The following FGD3 variants were observed in gnomAD, a reference collection of about 807,000 sequenced individuals.
The protein encoded by FGD3 is FYVE, RhoGEF and PH domain-containing protein 3.
Under a neutral mutation model 71.8 loss-of-function variants are expected in FGD3, and 45 were observed. That is an observed-to-expected ratio of 0.63 (90% CI 0.49 to 0.80). The LOEUF (loss-of-function observed/expected upper bound fraction) is 0.80, where lower values mean the gene tolerates loss of function less well. Ranked by LOEUF, FGD3 falls within the 30% of genes least tolerant of loss-of-function variation. The pLI is 0.00. For synonymous variants in FGD3, 378 were observed against 392.8 expected (o/e 0.96, Z 0.44); for missense variants, 844 against 951.5 (o/e 0.89, Z 1.49).
chr9:92,996,967 T>C (rs1860671744), intron 3 of FGD3, among the ~76,000 whole-genome samples: 2 of 152,178 alleles, frequency 1.3e-5, no homozygotes. Context: ...ATCTGGGGTG[T>C]AGAGTTCTGT....
rs1862390748 is a variant in FGD3 at position 93,032,454 on chromosome 9, G to C, written c.1681-315G>C. 3.4e-5 allele frequency: 10 copies of C among 292,658 alleles called. No homozygotes were observed. In the South Asian group the frequency reaches 5.0e-4, roughly 15 times the overall value. 18.1% of individuals were successfully genotyped at this position (292,658 alleles called of 1,614,324 possible). Reference sequence around the variant, plus strand: ...TTATGAATTTGATTTGCGTTTCCCTGATGGCCAGTGATGGGGCATCTTCCC... The same window carrying C: ...TTATGAATTTGATTTGCGTTTCCCTCATGGCCAGTGATGGGGCATCTTCCC... On this transcript the variant is annotated intron_variant, in intron 15 of 17. Transcript: ENST00000375482.
intron 3 of FGD3, among the ~76,000 whole-genome samples, chr9:92,999,589 CT>C (rs886295047): frequency 0.052 from 6,861 of 131,144 alleles, 190 homozygotes; most frequent in East Asian, 0.13. Context: ...ATCTTGGAAC[CT>C]TTTTTTTTTT....
intron 1 of FGD3, among the ~76,000 whole-genome samples, chr9:92,951,254 T>G (rs188593704): frequency 2.2e-4 from 33 of 152,356 alleles, no homozygotes; most frequent in Admixed American, 4.6e-4. Flanking sequence ...ATCCAGTAAT[T>G]CTAAGTATTC....
chr9:92,993,181 A>T (rs1305866435), intron 3 of FGD3, among the ~76,000 whole-genome samples: 1 of 152,062 alleles, frequency 6.6e-6, no homozygotes, highest in African/African-American at 2.4e-5. Context: ...GTTGCCCAGG[A>T]TAGCCTCAAA....
Position 93,020,302 on chromosome 9 carries a change from T to C in FGD3, c.1387-15T>C. ...TGCCCCTTTATAGTCCTCACTGTTGTGTTGCTGTGTCCAGATCATCCAGGC... is the reference window on the plus strand; with the variant it reads ...TGCCCCTTTATAGTCCTCACTGTTGCGTTGCTGTGTCCAGATCATCCAGGC... On this transcript the variant is annotated splice_polypyrimidine_tract_variant and intron_variant, in intron 12 of 17. Coordinates refer to ENST00000375482, the MANE Select transcript of FGD3 (RefSeq NM_001083536.2). The C allele has an allele frequency of 6.2e-7, 1 of 1,604,746 alleles. No homozygotes were observed. The highest frequency in any genetic ancestry group is 1.1e-5 in the South Asian group (1 of 90,670).
chr9:93,019,675 C>T (rs965468781), intron 11 of FGD3, among the ~76,000 whole-genome samples, 156 bp from the exon 12 acceptor site: 3 of 152,210 alleles, frequency 2.0e-5, no homozygotes, highest in Non-Finnish European at 4.4e-5. Context: ...CACCAGGCCA[C>T]GAGTGTTTTG....
intron 13 of FGD3, among the ~76,000 whole-genome samples, chr9:93,020,755 G>A (rs1020867758): frequency 3.3e-5 from 5 of 152,212 alleles, no homozygotes; most frequent in African/African-American, 1.2e-4. Context: ...CACAGAAACA[G>A]CTGGGTTGGT....
At chr9:93,010,088 T>C (rs1861249912) in intron 6 of FGD3, among the ~76,000 whole-genome samples, 158 bp from the exon 7 acceptor site, 1 of 152,144 alleles carries the variant, frequency 6.6e-6, no homozygotes, top group Admixed American at 6.5e-5. Flanking sequence ...GTTTCCCTCG[T>C]TGTAAAGTGT....
At chr9:93,000,978 C>CT (rs979272494) in intron 3 of FGD3, among the ~76,000 whole-genome samples, 52 of 149,682 alleles carry the variant, frequency 3.5e-4, no homozygotes, top group Admixed American at 2.1e-3. Flanking sequence ...GCTCTTCTTT[C>CT]TTTTTTTTTT....
intron 1 of FGD3, among the ~76,000 whole-genome samples, chr9:92,962,599 G>A (rs1587812629): frequency 6.6e-6 from 1 of 152,324 alleles, no homozygotes; most frequent in South Asian, 2.1e-4. Flanking sequence ...TCCACCACAT[G>A]CATCCCACAT....
intron 10 of FGD3, among the ~76,000 whole-genome samples, chr9:93,017,812 AGGAGGATGGATGGGGCGACATGG>A (rs1861758470): frequency 6.7e-6 from 1 of 149,458 alleles, no homozygotes; most frequent in African/African-American, 2.5e-5. Flanking sequence ...CTTGGCTTTA[AGGAGGATGGATGGGGCGACATGG>A]GGAGGATGCC....
chr9:92,990,388 A>G (rs999790047), intron 3 of FGD3, among the ~76,000 whole-genome samples: 11 of 152,330 alleles, frequency 7.2e-5, no homozygotes, highest in African/African-American at 2.6e-4. Context: ...GACTTCCTCT[A>G]TTCCCATTTG....
chr9:92,977,566 G>A (rs528329605), intron 3 of FGD3, among the ~76,000 whole-genome samples: 302 of 152,238 alleles, frequency 2.0e-3, no homozygotes, highest in African/African-American at 6.9e-3. Flanking sequence ...CTGGCTTGGC[G>A]GAGACGAGGC....
intron 1 of FGD3, among the ~76,000 whole-genome samples, chr9:92,954,193 A>G (rs17886128): frequency 0.33 from 49,492 of 151,900 alleles, 8,464 homozygotes; most frequent in Middle Eastern, 0.43. Flanking sequence ...TTGTTAGGTC[A>G]CATGTTGAGT....
At chr9:92,966,044 G>A (rs1859312224) in intron 1 of FGD3, among the ~76,000 whole-genome samples, 1 of 152,220 alleles carries the variant, frequency 6.6e-6, no homozygotes, top group African/African-American at 2.4e-5. Context: ...CGGGACGACC[G>A]TCAGCTGTCG....
chr9:92,952,264 T>C (rs1232669954), intron 1 of FGD3, among the ~76,000 whole-genome samples: 1 of 141,274 alleles, frequency 7.1e-6, no homozygotes, highest in Non-Finnish European at 1.5e-5. Flanking sequence ...GGAGATAGAG[T>C]CTTGCTCTGT....
intron 3 of FGD3, among the ~76,000 whole-genome samples, chr9:92,990,740 G>T (rs1454429947): frequency 1.3e-5 from 2 of 152,160 alleles, no homozygotes; most frequent in African/African-American, 4.8e-5. Context: ...TTGTGTATAT[G>T]GAACAATCCT....
intron 7 of FGD3, among the ~76,000 whole-genome samples, chr9:93,010,720 AG>A (rs1316411955): frequency 1.4e-5 from 2 of 148,132 alleles, no homozygotes; most frequent in South Asian, 2.2e-4. Context: ...CAGAGGAAGG[AG>A]GGGGAGAGAG....
intron 3 of FGD3, among the ~76,000 whole-genome samples, chr9:92,979,893 A>T (rs1020345318): frequency 6.8e-6 from 1 of 147,158 alleles, no homozygotes; most frequent in South Asian, 2.1e-4. Context: ...TAGTCTTTTT[A>T]TTTCTGTGGC....
Sources: gnomAD v4.1 joint callset for allele counts (sites outside exome capture counted in the v4.1 genomes callset) on GRCh38, gnomAD v4.1.1 for gene constraint, MANE v1.5 for transcripts, NCBI Gene and HGNC (gene_info 2026-07-23, HGNC 2026-07-21) for gene names.